Variants in IL21R observed in about 807,000 individuals in gnomAD.
The protein encoded by IL21R is interleukin-21 receptor.
In IL21R, 14 loss-of-function variants were observed where a neutral mutation model predicts 41.3. That is an observed-to-expected ratio of 0.34 (90% CI 0.22 to 0.53). The LOEUF is 0.53. IL21R is among the 20% of genes least tolerant of loss of function. The pLI is 0.94. For missense variants in IL21R, 588 were observed against 681.6 expected (o/e 0.86, Z 1.53); for synonymous variants, 286 against 287.6 (o/e 0.99, Z 0.05).
chr16:27,437,679 C>G lies in IL21R; in HGVS notation c.344C>G (p.Ala115Gly). 1 of 1,613,568 alleles carries G rather than the reference C, an allele frequency of 6.2e-7. No individual in the cohort carries two copies. The highest frequency in any genetic ancestry group is 8.5e-7 in the Non-Finnish European group (1 of 1,179,524). Reference sequence around the variant, plus strand: ...CAGGAGTGTGGCAGCTTTCTCCTGGCTGAGAGCAGTGAGTATCCTGGGACC... The same window carrying G: ...CAGGAGTGTGGCAGCTTTCTCCTGGGTGAGAGCAGTGAGTATCCTGGGACC... ...YSQECGSFLL[A>G]ESIKPAPPFN... Residue 115 changes from alanine to glycine, a missense_variant, in exon 4 of 9, where the codon GCT becomes GGT. Coordinates refer to ENST00000337929, the MANE Select transcript of IL21R (RefSeq NM_181078.3).
rs1382437173 is a variant in IL21R, at chr16:27,442,944, C to G, written c.353-18C>G. 6.4e-7 allele frequency: 1 copy of G among 1,562,890 alleles called. No individual in the cohort carries two copies. The highest frequency in any genetic ancestry group is 1.4e-5 in the African/African-American group (1 of 72,742). On this transcript the variant is annotated intron_variant, in intron 4 of 8. Transcript: ENST00000337929. ...CAAATTCTCACCCCATTTTCTTTTC[C>G]TGGGTTTTTCCACCAAGTCAAGCCG...
At position 27,451,024 on chromosome 16, in the gene IL21R, T is replaced by G. The variant is rs1026492333; in HGVS notation, c.*1741T>G. ...AGGCTGGAAGGTTCTAGAACACTGA[T>G]GGTTATAAGAGTGGGACTGTGAGCC... On this transcript the variant is annotated 3_prime_UTR_variant, in exon 9 of 9. Transcript: ENST00000337929. The G allele has an allele frequency of 8.7e-6, 2 of 229,726 alleles. No homozygotes were observed. The highest frequency in any genetic ancestry group is 1.7e-5 in the Non-Finnish European group (2 of 118,044). The allele number at this position is 229,726 out of a possible 1,614,324, so 14.2% of individuals were successfully genotyped here.
chr16:27,436,162 C>T (rs1330457618), intron 3 of IL21R, among the ~76,000 whole-genome samples: 6 of 152,190 alleles, frequency 3.9e-5, no homozygotes, highest in East Asian at 3.9e-4. Context: ...CCGGGATGGC[C>T]GGTCTGCCGC....
At chr16:27,435,909 C>T (rs1350602745) in intron 3 of IL21R, among the ~76,000 whole-genome samples, 1 of 152,120 alleles carries the variant, frequency 6.6e-6, no homozygotes, top group African/African-American at 2.4e-5. Flanking sequence ...TCTGGGATTG[C>T]ATCCAGGTGT....
intron 4 of IL21R, among the ~76,000 whole-genome samples, chr16:27,438,895 G>C (rs1159206386): frequency 6.6e-6 from 1 of 152,064 alleles, no homozygotes; most frequent in African/African-American, 2.4e-5. Flanking sequence ...GAACTAGGCA[G>C]GGCATGGAAG....
chr16:27,410,697 C>G (rs2086810577), intron 1 of IL21R, among the ~76,000 whole-genome samples: 1 of 151,992 alleles, frequency 6.6e-6, no homozygotes, highest in Admixed American at 6.6e-5. Flanking sequence ...TCTTTTTTAC[C>G]CTTAACAATT....
rs146028740 is a variant in IL21R at position 27,433,607 on chromosome 16, CCT to C, written c.50-739_50-738del. 1.6e-3 allele frequency among the ~76,000 whole-genome samples: 247 copies of C among 152,222 alleles called. 3 individuals are homozygous for C. The highest frequency in any genetic ancestry group is 2.9e-3 in the African/African-American group (120 of 41,514). On this transcript the variant is annotated intron_variant, in intron 2 of 8. Transcript: ENST00000337929. ...ACAAAATGTAGATGATGATTGCACC[CCT>C]GTTTTAGAACACAGCGAAACAATTA...
chr16:27,403,430 C>T (rs1015025941), intron 1 of IL21R, among the ~76,000 whole-genome samples: 6 of 152,080 alleles, frequency 3.9e-5, no homozygotes, highest in Admixed American at 6.5e-5. Flanking sequence ...GAGGCTGCTG[C>T]GAGGAGGACA....
At chr16:27,429,618 T>G (rs2087134526) in intron 1 of IL21R, among the ~76,000 whole-genome samples, 1 of 150,372 alleles carries the variant, frequency 6.7e-6, no homozygotes, top group Admixed American at 6.6e-5. Flanking sequence ...CAAAAATGTT[T>G]TAAAAATTAG....
Position 27,449,565 on chromosome 16 carries a change from A to C in IL21R, c.*282A>C, listed in dbSNP as rs2087554821. On this transcript the variant is annotated 3_prime_UTR_variant, in exon 9 of 9. Coordinates refer to ENST00000337929, the MANE Select transcript of IL21R (RefSeq NM_181078.3). ...AATGCCCATGGTACTCCATGCATTC[A>C]CCTGCCCTGTGCATGTCTGGACTCA... The C allele has an allele frequency of 2.6e-5, 13 of 502,268 alleles. No homozygotes were observed. In the East Asian group the frequency reaches 3.9e-4, roughly 15 times the overall value. 31.1% of individuals were successfully genotyped at this position (502,268 alleles called of 1,614,324 possible). A position where few individuals can be genotyped will look rare whatever the true frequency, so the allele number is the denominator to read the frequency against.
intron 4 of IL21R, among the ~76,000 whole-genome samples, chr16:27,441,786 A>G (rs1350913177): frequency 6.6e-6 from 1 of 152,226 alleles, no homozygotes; most frequent in African/African-American, 2.4e-5. Context: ...AGGTGGGAGC[A>G]TCACTTGAGG....
intron 1 of IL21R, chr16:27,403,228 G>T (rs2086688405): frequency 7.5e-7 from 1 of 1,334,284 alleles, no homozygotes; most frequent in African/African-American, 1.5e-5. Flanking sequence ...ATGGTAAGAG[G>T]CCAACCCAGT....
At chr16:27,403,310 GAACATTCCT>G in intron 1 of IL21R, 2 of 1,230,208 alleles carry the variant, frequency 1.6e-6, no homozygotes, top group African/African-American at 3.1e-5. Flanking sequence ...GGGAAAGGAA[GAACATTCCT>G]GGTGGAGGAG....
rs1235860773 is a variant in IL21R at position 27,440,242 on chromosome 16, TATATATAGAG to T, written c.352+2557_352+2566del. 1.0e-4 allele frequency among the ~76,000 whole-genome samples: 9 copies of T among 87,028 alleles called. No individual in the cohort carries two copies. In the East Asian group the frequency reaches 1.2e-3, roughly 12 times the overall value. 57.1% of individuals were successfully genotyped at this position (87,028 alleles called of 152,430 possible). A position where few individuals can be genotyped will look rare whatever the true frequency, so the allele number is the denominator to read the frequency against. ...TGACAAATATATATATATATATATA[TATATATAGAG>T]AGAGAGAGAGAGAGAGAGAGAGAGA... is the stretch of plus-strand genomic sequence containing the variant. On this transcript the variant is annotated intron_variant, in intron 4 of 8. Transcript: ENST00000337929.
At chr16:27,437,362 C>G (rs954435781) in intron 3 of IL21R, 126 bp from the exon 4 acceptor site, 12 of 747,928 alleles carry the variant, frequency 1.6e-5, no homozygotes, top group South Asian at 1.1e-4. Context: ...GACCACCCCC[C>G]AGCCCTGCCT....
In IL21R at chr16:27,448,834, T is replaced by C; in HGVS notation, c.1168T>C (p.Trp390Arg). Reference sequence around the variant, plus strand: ...GCTAGATGCAGAGGGGCCATGCACCTGGCCCTGCAGCTGTGAGGATGACGG... The same window carrying C: ...GCTAGATGCAGAGGGGCCATGCACCCGGCCCTGCAGCTGTGAGGATGACGG... ...TVLDAEGPCTWPCSCEDDGYP... is the reference protein window; with the variant it reads ...TVLDAEGPCTRPCSCEDDGYP... The change falls in exon 9 of 9, where the codon TGG becomes CGG. Residue 390 changes from tryptophan (W) to arginine (R), a missense_variant. Coordinates refer to ENST00000337929, the MANE Select transcript of IL21R (RefSeq NM_181078.3). 1 of 1,613,308 alleles carries C rather than the reference T, an allele frequency of 6.2e-7. No homozygotes were observed. Among genetic ancestry groups the C allele is most frequent in the Non-Finnish European group, 8.5e-7 (1 of 1,180,022 alleles).
intron 1 of IL21R, among the ~76,000 whole-genome samples, chr16:27,406,225 G>A (rs919916627): frequency 1.3e-5 from 2 of 152,260 alleles, no homozygotes; most frequent in African/African-American, 2.4e-5. Context: ...GCTCCATCTC[G>A]TGGCATAGTT....
At chr16:27,441,389 C>T (rs902651293) in intron 4 of IL21R, among the ~76,000 whole-genome samples, 7 of 152,230 alleles carry the variant, frequency 4.6e-5, no homozygotes, top group Admixed American at 6.5e-5. Context: ...CGGCTTTGAC[C>T]TTCACCTGGA....
At chr16:27,408,251 T>C (rs1299808174) in intron 1 of IL21R, among the ~76,000 whole-genome samples, 1 of 152,210 alleles carries the variant, frequency 6.6e-6, no homozygotes, top group Non-Finnish European at 1.5e-5. Flanking sequence ...AATGGGATTT[T>C]GAAGACTGAG....
Sources: allele counts gnomAD v4.1 joint callset (sites outside exome capture counted in the v4.1 genomes callset), GRCh38; gene constraint gnomAD v4.1.1; transcripts MANE v1.5; gene names NCBI Gene and HGNC (gene_info 2026-07-23, HGNC 2026-07-21).